Variants in FLOT2 observed in about 807,000 individuals in gnomAD.
FLOT2 encodes flotillin-2.
FLOT2 carries 35 observed loss-of-function variants against 54.9 expected under a neutral mutation model. The observed-to-expected ratio is 0.64, with a 90% CI of 0.49 to 0.84. The LOEUF (loss-of-function observed/expected upper bound fraction) is 0.84, where lower values mean the gene tolerates loss of function less well. FLOT2 is among the 40% of genes least tolerant of loss of function. FLOT2 has a pLI of 0.00. For synonymous variants in FLOT2, 207 were observed against 228.9 expected (o/e 0.90, Z 0.86); for missense variants, 464 against 572.1 (o/e 0.81, Z 1.93).
At chr17:28,881,097 G>A (rs927462314) in intron 9 of FLOT2, 95 bp downstream of exon 9, 7 of 1,210,554 alleles carry the variant, frequency 5.8e-6, no homozygotes, top group Non-Finnish European at 4.7e-6. Flanking sequence ...ATCTGTCCCT[G>A]TGTTACTCGC....
Position 28,884,420 on chromosome 17 carries a change from A to G in FLOT2, c.132-105T>C. The G allele has an allele frequency of 1.5e-6, 1 of 679,152 alleles. No individual in the cohort carries two copies. Among genetic ancestry groups the G allele is most frequent in the Non-Finnish European group, 2.6e-6 (1 of 389,574 alleles). The allele number at this position is 679,152 out of a possible 1,614,324, so 42.1% of individuals were successfully genotyped here. A position where few individuals can be genotyped will look rare whatever the true frequency, so the allele number is the denominator to read the frequency against. ...TGCTCCGGCTGGGTCCTGGTGAGGA[A>G]GGTGGAGGGAGGACTCTCCACGGGG... On this transcript the variant is annotated intron_variant, in intron 2 of 10. Transcript: ENST00000394908. The surrounding 1 kb of genome is among the most constrained non-coding windows in gnomAD (Gnocchi z 5.1).
At chr17:28,894,475 T>C (rs1250099838) in intron 1 of FLOT2, among the ~76,000 whole-genome samples, 1 of 151,748 alleles carries the variant, frequency 6.6e-6, no homozygotes, top group African/African-American at 2.4e-5. Context: ...AATATAAAAA[T>C]TAGCTGGGCA....
chr17:28,888,508 C>T (rs769244502), intron 2 of FLOT2, among the ~76,000 whole-genome samples: 4 of 152,200 alleles, frequency 2.6e-5, no homozygotes, highest in Non-Finnish European at 2.9e-5. Context: ...CCTGGATTAC[C>T]CCAGGGCCTG....
intron 2 of FLOT2, chr17:28,885,806 G>T: frequency 7.9e-7 from 1 of 1,269,866 alleles, no homozygotes; most frequent in Non-Finnish European, 1.1e-6. Context: ...GGCCCCGCAG[G>T]GCAGGAAGAG....
chr17:28,882,363 C>T lies in FLOT2; in HGVS notation c.553G>A (p.Glu185Lys). Residue 185 changes from glutamate to lysine, a missense_variant, in exon 6 of 11, where the codon GAG becomes AAG. Glu to Lys is a moderately conservative substitution (Grantham distance 56). Transcript: ENST00000394908. The surrounding 1 kb of genome is among the most constrained non-coding windows in gnomAD (Gnocchi z 5.6). ...VQRDADIGVA[E>K]AERDAGIREA... Reference sequence around the variant, plus strand: ...CGGATGCCTGCGTCCCGTTCAGCCTCGGCCACGCCAATGTCAGCATCTCTC... The same window carrying T: ...CGGATGCCTGCGTCCCGTTCAGCCTTGGCCACGCCAATGTCAGCATCTCTC... 1.2e-6 allele frequency: 2 copies of T among 1,614,062 alleles called. No individual in the cohort carries two copies. The highest frequency in any genetic ancestry group is 1.7e-6 in the Non-Finnish European group (2 of 1,180,036).
intron 1 of FLOT2, among the ~76,000 whole-genome samples, chr17:28,889,272 G>T (rs1042133444): frequency 2.0e-5 from 3 of 152,114 alleles, no homozygotes; most frequent in African/African-American, 7.2e-5. Context: ...AGTTTAGAAT[G>T]TAAGTGCTTC....
Position 28,881,227 on chromosome 17 carries a change from C to T in FLOT2, c.1063G>A (p.Ala355Thr). The T allele has an allele frequency of 6.2e-7, 1 of 1,614,190 alleles. No homozygotes were observed. Among genetic ancestry groups the T allele is most frequent in the Non-Finnish European group, 8.5e-7 (1 of 1,180,018 alleles). The change falls in exon 9 of 11, where the codon GCC (alanine) becomes ACC (threonine). Residue 355 changes from alanine to threonine, a missense_variant. Transcript: ENST00000394908. ...AEAYQKYGDA[A>T]KMALVLEALP... is the part of the protein sequence containing the mutation. ...GCCTCTAGCACCAAGGCCATCTTGGCTGCATCCCCGTATTTCTGGTAGGCT... is the reference window on the plus strand; with the variant it reads ...GCCTCTAGCACCAAGGCCATCTTGGTTGCATCCCCGTATTTCTGGTAGGCT...
Position 28,897,480 on chromosome 17 carries a change from C to G in FLOT2, c.49+46G>C. On this transcript the variant is annotated intron_variant, in intron 1 of 10. Coordinates refer to ENST00000394908, the MANE Select transcript of FLOT2 (RefSeq NM_004475.3). The surrounding 1 kb of genome is among the most constrained non-coding windows in gnomAD (Gnocchi z 4.4). ...CGTGCACTCCCCAGCCCTGCACCCA[C>G]CCCGAGCACCCTCCACAGCTCCCAC... 1 of 1,565,298 alleles carries G rather than the reference C, an allele frequency of 6.4e-7. No individual in the cohort carries two copies. The highest frequency in any genetic ancestry group is 8.7e-7 in the Non-Finnish European group (1 of 1,150,924).
At chr17:28,892,658 CT>C (rs143035852) in intron 1 of FLOT2, 7 of 147,532 alleles carry the variant, frequency 4.7e-5, no homozygotes, top group Admixed American at 6.7e-5. Flanking sequence ...CACTCTTTAT[CT>C]TTTTTTTTTG....
Position 28,879,884 on chromosome 17 carries a change from A to G in FLOT2, c.*677T>C. On this transcript the variant is annotated 3_prime_UTR_variant, in exon 11 of 11. Coordinates refer to ENST00000394908, the MANE Select transcript of FLOT2 (RefSeq NM_004475.3). ...GGCCTCCTAAGGCAGTAGGAAACTG[A>G]GGAAGCTGCTGTAGACAGGAGGCCT... 1.0e-6 allele frequency: 1 copy of G among 986,020 alleles called. No individual in the cohort carries two copies. The highest frequency in any genetic ancestry group is 1.2e-6 in the Non-Finnish European group (1 of 830,090). The allele number at this position is 986,020 out of a possible 1,614,324, so 61.1% of individuals were successfully genotyped here.
chr17:28,885,553 A>G (rs1343659678), intron 2 of FLOT2: 2 of 716,620 alleles, frequency 2.8e-6, no homozygotes, highest in Non-Finnish European at 5.2e-6. Context: ...AAGCCCAAGA[A>G]TAGATTTCAC....
intron 2 of FLOT2, among the ~76,000 whole-genome samples, chr17:28,888,245 G>A (rs925547160): frequency 4.6e-5 from 7 of 152,256 alleles, no homozygotes; most frequent in African/African-American, 1.7e-4. Flanking sequence ...GGTGGGCAGT[G>A]AGGGTGGCAG....
intron 1 of FLOT2, among the ~76,000 whole-genome samples, chr17:28,889,340 T>G (rs2039605402): frequency 6.6e-6 from 1 of 152,110 alleles, no homozygotes; most frequent in Non-Finnish European, 1.5e-5. Context: ...AAAGCTTTTT[T>G]TTTTTTTCAG....
intron 2 of FLOT2, among the ~76,000 whole-genome samples, chr17:28,886,222 C>A (rs187473696): frequency 6.6e-6 from 1 of 152,354 alleles, no homozygotes; most frequent in Admixed American, 6.5e-5. Flanking sequence ...ATGCCTGCTG[C>A]CACCCTGGGC....
intron 2 of FLOT2, among the ~76,000 whole-genome samples, chr17:28,886,378 G>A (rs1364121842): frequency 2.6e-5 from 4 of 152,252 alleles, no homozygotes; most frequent in African/African-American, 9.6e-5. Flanking sequence ...GAAATCGGGA[G>A]TGGGAGGCTA....
intron 1 of FLOT2, among the ~76,000 whole-genome samples, chr17:28,895,927 G>A (rs1756065145): frequency 6.6e-6 from 1 of 152,156 alleles, no homozygotes; most frequent in South Asian, 2.1e-4. Flanking sequence ...AAGGAGCAAG[G>A]CAGACAGGTG....
chr17:28,884,423 T>C lies in FLOT2; in HGVS notation c.132-108A>G. On this transcript the variant is annotated intron_variant, in intron 2 of 10. Coordinates refer to ENST00000394908, the MANE Select transcript of FLOT2 (RefSeq NM_004475.3). This position sits in a 1 kb window ranked among gnomAD's most constrained non-coding sequence, Gnocchi z 5.1. ...TCCGGCTGGGTCCTGGTGAGGAAGG[T>C]GGAGGGAGGACTCTCCACGGGGCTG... 3.0e-6 allele frequency: 2 copies of C among 677,948 alleles called. No individual in the cohort carries two copies. The highest frequency in any genetic ancestry group is 5.1e-6 in the Non-Finnish European group (2 of 389,500). 42.0% of individuals were successfully genotyped at this position (677,948 alleles called of 1,614,324 possible). A position where few individuals can be genotyped will look rare whatever the true frequency, so the allele number is the denominator to read the frequency against.
intron 2 of FLOT2, among the ~76,000 whole-genome samples, chr17:28,887,828 C>T (rs1171490076): frequency 6.6e-6 from 1 of 152,198 alleles, no homozygotes. Flanking sequence ...AGCCTTGGAC[C>T]AGAAGAGTCC....
At position 28,883,320 on chromosome 17, in the gene FLOT2, C is replaced by A; in HGVS notation, c.223-89G>T. On this transcript the variant is annotated intron_variant, in intron 3 of 10. Coordinates refer to ENST00000394908, the MANE Select transcript of FLOT2 (RefSeq NM_004475.3). This position sits in a 1 kb window ranked among gnomAD's most constrained non-coding sequence, Gnocchi z 5.0. ...AGAGGTAGGCAGGATGGTGGCTGTG[C>A]CTCCTCCCTTCCTTTTTTCAGACCT... The A allele has an allele frequency of 6.6e-7, 1 of 1,523,644 alleles. No homozygotes were observed. 94.4% of individuals were successfully genotyped at this position (1,523,644 alleles called of 1,614,324 possible).
Sources: gnomAD v4.1 joint callset for allele counts (sites outside exome capture counted in the v4.1 genomes callset) on GRCh38, gnomAD v4.1.1 for gene constraint, Gnocchi (gnomAD v3.1) non-coding constraint, MANE v1.5 for transcripts, NCBI Gene and HGNC (gene_info 2026-07-23, HGNC 2026-07-21) for gene names.